Variants in GPHN observed in about 807,000 individuals in gnomAD.
The protein encoded by GPHN is gephyrin.
Under a neutral mutation model 95.5 loss-of-function variants are expected in GPHN, and 17 were observed. The observed-to-expected ratio is 0.18, with a 90% CI of 0.12 to 0.27. The LOEUF (loss-of-function observed/expected upper bound fraction) is 0.27. Among genes scored for constraint, GPHN ranks in the 10% least tolerant of loss-of-function variants. GPHN has a pLI of 1.00. For missense variants in GPHN, 660 were observed against 978.1 expected (o/e 0.67, Z 4.34); for synonymous variants, 320 against 322.5 (o/e 0.99, Z 0.08).
At chr14:66,568,888 C>A (rs1462436510) in intron 1 of GPHN, among the ~76,000 whole-genome samples, 1 of 151,974 alleles carries the variant, frequency 6.6e-6, no homozygotes, top group African/African-American at 2.4e-5. Flanking sequence ...TTTTGACAGT[C>A]CATCATTTCT....
intron 1 of GPHN, among the ~76,000 whole-genome samples, chr14:66,520,335 T>C (rs1008168275): frequency 6.6e-6 from 1 of 152,172 alleles, no homozygotes; most frequent in Admixed American, 6.6e-5. Flanking sequence ...CATTGGGTAT[T>C]AGCTTTTTAG....
At chr14:66,539,734 C>T (rs2059286374) in intron 1 of GPHN, among the ~76,000 whole-genome samples, 1 of 152,116 alleles carries the variant, frequency 6.6e-6, no homozygotes, top group Admixed American at 6.5e-5. Flanking sequence ...TTTCTACTTT[C>T]ACCAGTGGAG....
At chr14:67,556,704 A>G in the GPHN span, among the ~76,000 whole-genome samples, 1 of 152,224 alleles carries the variant, frequency 6.6e-6, no homozygotes, top group African/African-American at 2.4e-5. Flanking sequence ...CCTGGGCAAT[A>G]TAGCAAGATC....
At chr14:66,890,871 G>GA (rs1013033626) in intron 5 of GPHN, among the ~76,000 whole-genome samples, 3 of 151,866 alleles carry the variant, frequency 2.0e-5, no homozygotes, top group Non-Finnish European at 2.9e-5. Context: ...AAAAAATTTG[G>GA]AAAAATTCAA....
At chr14:67,640,204 C>G in the GPHN span, among the ~76,000 whole-genome samples, 2 of 151,980 alleles carry the variant, frequency 1.3e-5, no homozygotes, top group Non-Finnish European at 2.9e-5. Context: ...ATATTTTTCT[C>G]CTCCTACCCC....
At chr14:67,521,598 T>C in the GPHN span, among the ~76,000 whole-genome samples, 25 of 152,360 alleles carry the variant, frequency 1.6e-4, no homozygotes, top group African/African-American at 5.8e-4. Flanking sequence ...ATAAGGACTA[T>C]GCAGTATTCA....
chr14:67,091,312 T>G (rs1175901218), intron 12 of GPHN, among the ~76,000 whole-genome samples: 3 of 152,044 alleles, frequency 2.0e-5, no homozygotes, highest in African/African-American at 7.2e-5. Flanking sequence ...TCTACAGTGT[T>G]GATTAGAATA....
At chr14:66,763,741 A>C (rs954144414) in intron 2 of GPHN, among the ~76,000 whole-genome samples, 15 of 152,108 alleles carry the variant, frequency 9.9e-5, no homozygotes, top group African/African-American at 3.6e-4. Flanking sequence ...ATTGAACAGT[A>C]GTGGTCCATG....
At chr14:67,205,045 G>A in the GPHN span, 1 of 1,551,922 alleles carries the variant, frequency 6.4e-7, no homozygotes, top group South Asian at 1.2e-5. Context: ...AGTCACAGTG[G>A]TGTTTGAAAA....
the GPHN span, chr14:67,383,236 A>G: frequency 6.8e-7 from 1 of 1,479,948 alleles, no homozygotes; most frequent in Non-Finnish European, 9.2e-7. Flanking sequence ...GAGAGAAAAC[A>G]TTAGGCAGTA....
the GPHN span, among the ~76,000 whole-genome samples, chr14:67,553,969 G>C: frequency 3.9e-5 from 6 of 152,184 alleles, no homozygotes; most frequent in Non-Finnish European, 5.9e-5. Context: ...CTGTCAGAGG[G>C]GGCCCTATCC....
At chr14:67,421,248 C>T in the GPHN span, among the ~76,000 whole-genome samples, 1 of 152,158 alleles carries the variant, frequency 6.6e-6, no homozygotes, top group East Asian at 1.9e-4. Context: ...GGTTGGAAGA[C>T]TCAACAAAGT....
the GPHN span, among the ~76,000 whole-genome samples, chr14:67,496,391 GTTTTTTTTTTTTT>G: frequency 3.3e-4 from 10 of 30,106 alleles, no homozygotes; most frequent in South Asian, 8.6e-3. Context: ...CTGCTCCGGC[GTTTTTTTTTTTTT>G]TTTTTTTTTT....
intron 9 of GPHN, among the ~76,000 whole-genome samples, chr14:66,991,741 A>G (rs2071434922): frequency 1.3e-5 from 2 of 151,722 alleles, no homozygotes; most frequent in African/African-American, 4.8e-5. Flanking sequence ...GCATGGTGGC[A>G]TATGCCTATA....
At chr14:67,271,778 T>C in the GPHN span, 1 of 152,164 alleles carries the variant, frequency 6.6e-6, no homozygotes, top group Admixed American at 6.6e-5. Context: ...TTCTGATAGA[T>C]AGAATAATGG....
At chr14:66,607,585 C>G (rs2062594155) in intron 1 of GPHN, among the ~76,000 whole-genome samples, 1 of 151,714 alleles carries the variant, frequency 6.6e-6, no homozygotes, top group Admixed American at 6.6e-5. Flanking sequence ...GGTGCCAGTT[C>G]TTATTTGTAT....
the GPHN span, among the ~76,000 whole-genome samples, chr14:67,393,861 A>C: frequency 8.3e-4 from 126 of 152,300 alleles, no homozygotes; most frequent in East Asian, 0.021. Context: ...TTCACAAGAA[A>C]GTCTGAGGCA....
At chr14:67,495,126 G>A in the GPHN span, among the ~76,000 whole-genome samples, 1 of 152,102 alleles carries the variant, frequency 6.6e-6, no homozygotes, top group Non-Finnish European at 1.5e-5. Flanking sequence ...AGGACAGGGG[G>A]TGGGGCCCAG....
At chr14:67,081,947 A>G (rs1595062329) in intron 11 of GPHN, among the ~76,000 whole-genome samples, 1 of 152,082 alleles carries the variant, frequency 6.6e-6, no homozygotes, top group African/African-American at 2.4e-5. Flanking sequence ...ATTCTCTTTC[A>G]TTGGTCTATG....
Sources: gnomAD v4.1 joint callset for allele counts (sites outside exome capture counted in the v4.1 genomes callset) on GRCh38, gnomAD v4.1.1 for gene constraint, MANE v1.5 for transcripts, NCBI Gene and HGNC (gene_info 2026-07-23, HGNC 2026-07-21) for gene names.